Variants in NEGR1 observed in about 807,000 individuals in gnomAD.
NEGR1 encodes neuronal growth regulator 1.
A neutral mutation model predicts 40.9 loss-of-function variants in NEGR1; 10 were observed. That is an observed-to-expected ratio of 0.24 (90% CI 0.15 to 0.42). The LOEUF (loss-of-function observed/expected upper bound fraction) is 0.42. Ranked by LOEUF, NEGR1 falls within the 10% of genes least tolerant of loss-of-function variation. The pLI is 1.00. For synonymous variants in NEGR1, 185 were observed against 166.8 expected, an observed-to-expected ratio of 1.11 and a Z score of -0.84; for missense variants, 352 against 438.9, an observed-to-expected ratio of 0.80 and a Z score of 1.77.
chr1:72,191,661 A>T (rs1190991936), intron 1 of NEGR1, among the ~76,000 whole-genome samples: 1 of 151,876 alleles, frequency 6.6e-6, no homozygotes, highest in Non-Finnish European at 1.5e-5. Flanking sequence ...CCAAATTCAT[A>T]CATTTATTTT....
intron 1 of NEGR1, among the ~76,000 whole-genome samples, chr1:71,995,497 A>G (rs1404941049): frequency 4.6e-5 from 7 of 152,194 alleles, no homozygotes; most frequent in Admixed American, 4.6e-4. Context: ...CTAAATAGAC[A>G]TGTGTCTGAA....
intron 1 of NEGR1, among the ~76,000 whole-genome samples, chr1:71,982,378 A>G (rs1443486426): frequency 6.6e-6 from 1 of 150,790 alleles, no homozygotes; most frequent in Non-Finnish European, 1.5e-5. Context: ...TGGTCTAACT[A>G]TCATTTGGCA....
chr1:71,412,006 A>T, intron 6 of NEGR1, among the ~76,000 whole-genome samples: 1 of 152,132 alleles, frequency 6.6e-6, no homozygotes, highest in Non-Finnish European at 1.5e-5. Flanking sequence ...GTCTAAAAAA[A>T]AAAAGTAAAG....
At chr1:71,998,586 A>G (rs1161194681) in intron 1 of NEGR1, among the ~76,000 whole-genome samples, 1 of 151,754 alleles carries the variant, frequency 6.6e-6, no homozygotes, top group East Asian at 1.9e-4. Flanking sequence ...ACTCCCACCT[A>G]CCTTCTCTTG....
At chr1:71,430,917 G>C (rs1335545728) in intron 6 of NEGR1, among the ~76,000 whole-genome samples, 1 of 151,762 alleles carries the variant, frequency 6.6e-6, no homozygotes, top group African/African-American at 2.4e-5. Context: ...CCACCACCGG[G>C]CCCGACTAAT....
At chr1:72,144,230 A>G (rs1557548759) in intron 1 of NEGR1, among the ~76,000 whole-genome samples, 4 of 151,616 alleles carry the variant, frequency 2.6e-5, no homozygotes, top group Non-Finnish European at 5.9e-5. Flanking sequence ...GGCACTCCCA[A>G]TCATTCGTTC....
chr1:71,590,389 G>T (rs1649460024), intron 6 of NEGR1, among the ~76,000 whole-genome samples: 1 of 151,950 alleles, frequency 6.6e-6, no homozygotes, highest in Admixed American at 6.6e-5. Context: ...GCCCCATTAT[G>T]GTACCACTGA....
chr1:71,781,605 C>T (rs1001287674), intron 2 of NEGR1, among the ~76,000 whole-genome samples: 2 of 152,122 alleles, frequency 1.3e-5, no homozygotes, highest in Non-Finnish European at 1.5e-5. Flanking sequence ...TAAACACTCA[C>T]AGATTACTGA....
intron 1 of NEGR1, among the ~76,000 whole-genome samples, chr1:72,230,665 CA>C (rs1338028089): frequency 1.3e-5 from 2 of 152,138 alleles, no homozygotes; most frequent in Admixed American, 6.6e-5. Flanking sequence ...TGGTCTTATG[CA>C]GCTAATATAA....
intron 6 of NEGR1, among the ~76,000 whole-genome samples, chr1:71,513,492 G>A (rs1193459569): frequency 1.3e-5 from 2 of 152,096 alleles, no homozygotes; most frequent in Non-Finnish European, 2.9e-5. Context: ...TTTCCTAAAC[G>A]TATAACAAAA....
chr1:72,180,415 TA>T (rs199654197), intron 1 of NEGR1, among the ~76,000 whole-genome samples: 8,163 of 147,044 alleles, frequency 0.056, 613 homozygotes, highest in East Asian at 0.36. Context: ...AAGTGATATT[TA>T]AAAAAAAAAA....
intron 6 of NEGR1, among the ~76,000 whole-genome samples, chr1:71,531,784 G>A (rs1042430559): frequency 6.6e-6 from 1 of 151,370 alleles, no homozygotes; most frequent in Non-Finnish European, 1.5e-5. Flanking sequence ...ACCAGAAAGT[G>A]TTATATTATG....
intron 1 of NEGR1, among the ~76,000 whole-genome samples, chr1:72,240,037 G>A (rs747434858): frequency 1.3e-5 from 2 of 151,832 alleles, no homozygotes; most frequent in African/African-American, 4.8e-5. Context: ...CAGTAAGAAG[G>A]TTAAGACTTC....
At chr1:71,477,262 T>C (rs1027833803) in intron 6 of NEGR1, 18 of 152,148 alleles carry the variant, frequency 1.2e-4, no homozygotes, top group Admixed American at 2.6e-4. Context: ...ACCAGTAATT[T>C]TGTTGACTTT....
chr1:71,450,668 G>A (rs1296415898), intron 6 of NEGR1, among the ~76,000 whole-genome samples: 1 of 151,904 alleles, frequency 6.6e-6, no homozygotes, highest in South Asian at 2.1e-4. Context: ...AAATTAGCTG[G>A]GCATGGTGGC....
At chr1:71,525,114 C>A (rs563708881) in intron 6 of NEGR1, among the ~76,000 whole-genome samples, 1 of 151,872 alleles carries the variant, frequency 6.6e-6, no homozygotes, top group Non-Finnish European at 1.5e-5. Flanking sequence ...AATTAATACA[C>A]CTAGGAAATC....
At chr1:72,031,135 C>T (rs191139446) in intron 1 of NEGR1, among the ~76,000 whole-genome samples, 12 of 152,288 alleles carry the variant, frequency 7.9e-5, no homozygotes, top group Non-Finnish European at 1.6e-4. Context: ...TGAAATTGGA[C>T]CTTTCCTGAA....
At chr1:71,664,796 C>T (rs542079970) in intron 4 of NEGR1, among the ~76,000 whole-genome samples, 5 of 152,166 alleles carry the variant, frequency 3.3e-5, no homozygotes, top group East Asian at 1.9e-4. Flanking sequence ...GTGTTTCTGA[C>T]ACCCTTTTCC....
At chr1:71,960,643 C>T (rs1312821626) in intron 1 of NEGR1, among the ~76,000 whole-genome samples, 1 of 151,966 alleles carries the variant, frequency 6.6e-6, no homozygotes, top group Non-Finnish European at 1.5e-5. Flanking sequence ...TGTATCCATC[C>T]GAAACTCTGT....
Sources: gnomAD v4.1 joint callset for allele counts (sites outside exome capture counted in the v4.1 genomes callset) on GRCh38, gnomAD v4.1.1 for gene constraint, MANE v1.5 for transcripts, NCBI Gene and HGNC (gene_info 2026-07-23, HGNC 2026-07-21) for gene names.